Variants in RALYL observed in about 807,000 individuals in gnomAD.
RALYL encodes the protein RNA-binding Raly-like protein.
In RALYL, 29 loss-of-function variants were observed where a neutral mutation model predicts 35.1. The observed-to-expected ratio is 0.83, with a 90% CI of 0.61 to 1.13. RALYL has a LOEUF of 1.13. Among genes scored for constraint, RALYL ranks in the 50% most tolerant of loss-of-function variants. The pLI, the probability that RALYL is intolerant of heterozygous loss-of-function variation, is 0.00. For synonymous variants in RALYL, 120 were observed against 127.6 expected (o/e 0.94, Z 0.40); for missense variants, 359 against 360.4 (o/e 1.00, Z 0.03).
intron 1 of RALYL, among the ~76,000 whole-genome samples, chr8:84,300,353 A>T (rs1360972547): frequency 6.6e-6 from 1 of 151,858 alleles, no homozygotes; most frequent in Non-Finnish European, 1.5e-5. Context: ...GAATTGTATT[A>T]TGGCTGATTA....
At chr8:84,745,554 G>A (rs574929652) in intron 2 of RALYL, among the ~76,000 whole-genome samples, 1 of 152,048 alleles carries the variant, frequency 6.6e-6, no homozygotes, top group African/African-American at 2.4e-5. Context: ...CAAAGAAAAT[G>A]TGCCTTCTTT....
intron 2 of RALYL, among the ~76,000 whole-genome samples, chr8:84,633,354 T>A (rs1824336034): frequency 6.6e-6 from 1 of 151,790 alleles, no homozygotes; most frequent in Non-Finnish European, 1.5e-5. Context: ...AAACTGGCTC[T>A]CCGCTACTTC....
chr8:84,372,411 G>A (rs554947073), intron 1 of RALYL, among the ~76,000 whole-genome samples: 14 of 151,934 alleles, frequency 9.2e-5, no homozygotes, highest in Non-Finnish European at 1.8e-4. Context: ...AATCTATTCT[G>A]CATGTGGTAG....
intron 2 of RALYL, among the ~76,000 whole-genome samples, chr8:84,750,132 C>T (rs1809603494): frequency 6.6e-6 from 1 of 152,126 alleles, no homozygotes. Flanking sequence ...CTGGGTCACT[C>T]CAGAGCCAGC....
intron 1 of RALYL, among the ~76,000 whole-genome samples, chr8:84,472,579 A>G (rs536501605): frequency 6.6e-6 from 1 of 152,254 alleles, no homozygotes; most frequent in African/African-American, 2.4e-5. Flanking sequence ...GGGGGATATG[A>G]GATTGGGAAT....
intron 1 of RALYL, among the ~76,000 whole-genome samples, chr8:84,496,000 TTA>T (rs547777430): frequency 3.6e-4 from 55 of 152,088 alleles, no homozygotes; most frequent in Non-Finnish European, 6.5e-4. Context: ...GTAAAATATT[TTA>T]TGTCATTTTG....
intron 2 of RALYL, among the ~76,000 whole-genome samples, chr8:84,680,609 G>A (rs1330128198): frequency 1.3e-5 from 2 of 152,120 alleles, no homozygotes. Flanking sequence ...GTGATGATGG[G>A]CATTTTTTCA....
chr8:84,249,086 T>A (rs957532352), intron 1 of RALYL, among the ~76,000 whole-genome samples: 8 of 152,094 alleles, frequency 5.3e-5, no homozygotes, highest in African/African-American at 1.9e-4. Flanking sequence ...TAAAAAGAAC[T>A]GTGTTGGCAA....
At chr8:84,234,635 G>A (rs1417474346) in intron 1 of RALYL, among the ~76,000 whole-genome samples, 1 of 152,086 alleles carries the variant, frequency 6.6e-6, no homozygotes, top group Non-Finnish European at 1.5e-5. Flanking sequence ...TCCTTCATCG[G>A]AATGTCCTTT....
chr8:84,312,545 C>T (rs933651601), intron 1 of RALYL, among the ~76,000 whole-genome samples: 1 of 152,058 alleles, frequency 6.6e-6, no homozygotes, highest in Non-Finnish European at 1.5e-5. Context: ...CATTGGGTAC[C>T]AAATAGGAGA....
At chr8:84,719,767 ATC>A (rs1431151040) in intron 2 of RALYL, among the ~76,000 whole-genome samples, 5 of 152,114 alleles carry the variant, frequency 3.3e-5, no homozygotes, top group African/African-American at 1.2e-4. Flanking sequence ...CATTTTCATC[ATC>A]TCTTTGTGGG....
chr8:84,424,992 GCTGT>G (rs1359602335), intron 1 of RALYL, among the ~76,000 whole-genome samples: 6 of 151,994 alleles, frequency 3.9e-5, no homozygotes, highest in African/African-American at 1.4e-4. Flanking sequence ...AGAGGTTACT[GCTGT>G]CTTTTTGTTT....
chr8:84,845,248 C>T (rs1221429186), intron 4 of RALYL, among the ~76,000 whole-genome samples: 2 of 152,178 alleles, frequency 1.3e-5, no homozygotes, highest in East Asian at 3.9e-4. Flanking sequence ...CAATTGAATG[C>T]ATCAAATATG....
chr8:84,874,393 A>T (rs1463674172), intron 7 of RALYL, among the ~76,000 whole-genome samples: 2 of 152,202 alleles, frequency 1.3e-5, no homozygotes, highest in African/African-American at 4.8e-5. Flanking sequence ...TGTATATCTA[A>T]TTAGTGATAG....
chr8:84,405,946 A>G (rs905147890), intron 1 of RALYL, among the ~76,000 whole-genome samples: 1 of 150,108 alleles, frequency 6.7e-6, no homozygotes, highest in Non-Finnish European at 1.5e-5. Context: ...CAGCCTCCCA[A>G]TATTTTCATT....
At chr8:84,806,607 A>G (rs999881538) in intron 4 of RALYL, among the ~76,000 whole-genome samples, 1 of 152,100 alleles carries the variant, frequency 6.6e-6, no homozygotes, top group Non-Finnish European at 1.5e-5. Flanking sequence ...CAATGCTCAA[A>G]GTGGGAAAAT....
intron 4 of RALYL, among the ~76,000 whole-genome samples, chr8:84,847,640 T>C (rs1834943403): frequency 6.6e-6 from 1 of 152,148 alleles, no homozygotes; most frequent in Non-Finnish European, 1.5e-5. Flanking sequence ...ACTATTAGAA[T>C]AAACTAAAGC....
At chr8:84,413,085 T>A (rs2044258464) in intron 1 of RALYL, among the ~76,000 whole-genome samples, 1 of 150,314 alleles carries the variant, frequency 6.7e-6, no homozygotes. Flanking sequence ...TTTATAATAT[T>A]AATTTTATAT....
intron 1 of RALYL, among the ~76,000 whole-genome samples, chr8:84,455,508 G>T: frequency 6.6e-6 from 1 of 151,908 alleles, no homozygotes; most frequent in East Asian, 1.9e-4. Flanking sequence ...CTCAGATTTT[G>T]GTGTTTGTAG....
Sources: allele counts gnomAD v4.1 joint callset (sites outside exome capture counted in the v4.1 genomes callset), GRCh38; gene constraint gnomAD v4.1.1; transcripts MANE v1.5; gene names NCBI Gene and HGNC (gene_info 2026-07-23, HGNC 2026-07-21).